The following NOS1AP variants were observed in gnomAD, a reference collection of about 807,000 sequenced individuals.
NOS1AP encodes the protein carboxyl-terminal PDZ ligand of neuronal nitric oxide synthase protein.
In NOS1AP, 21 loss-of-function variants were observed where a neutral mutation model predicts 56.2. The observed-to-expected ratio is 0.37, with a 90% CI of 0.26 to 0.54. The LOEUF (loss-of-function observed/expected upper bound fraction) is 0.54, where lower values mean the gene tolerates loss of function less well. NOS1AP is among the 20% of genes least tolerant of loss of function. NOS1AP has a pLI of 0.84. For missense variants in NOS1AP, 522 were observed against 657.8 expected (o/e 0.79, Z 2.26); for synonymous variants, 270 against 274.6 (o/e 0.98, Z 0.17).
intron 2 of NOS1AP, among the ~76,000 whole-genome samples, chr1:162,268,599 A>T (rs1484826329): frequency 6.6e-6 from 1 of 152,214 alleles, no homozygotes; most frequent in Non-Finnish European, 1.5e-5. Flanking sequence ...CCAACGCAGA[A>T]AAAGAGAGAG....
chr1:162,333,126 G>T lies in NOS1AP; in HGVS notation c.453+1G>T. On this transcript the variant is annotated splice_donor_variant, in intron 5 of 9. Transcript: ENST00000361897. LOFTEE classifies it high-confidence loss of function. ...TAACGTCTTTAAATCCAAGAAGAAG[G>T]TAAAGAGGCGGTTGCCGTCCATCTG... is the stretch of plus-strand genomic sequence containing the variant. 1 of 1,604,046 alleles carries T rather than the reference G, an allele frequency of 6.2e-7. No individual in the cohort carries two copies. Among genetic ancestry groups the T allele is most frequent in the Non-Finnish European group, 8.5e-7 (1 of 1,170,950 alleles).
chr1:162,180,906 A>G (rs540111203), intron 2 of NOS1AP, among the ~76,000 whole-genome samples: 1 of 152,200 alleles, frequency 6.6e-6, no homozygotes, highest in Non-Finnish European at 1.5e-5. Context: ...GTTTGTGGCC[A>G]TTATTATGCA....
chr1:162,168,461 T>G (rs982162518), intron 2 of NOS1AP, among the ~76,000 whole-genome samples: 9 of 152,208 alleles, frequency 5.9e-5, no homozygotes, highest in South Asian at 2.1e-4. Flanking sequence ...CCAGGCTTTG[T>G]GACATCAGCT....
chr1:162,308,084 A>T (rs1251398499), intron 4 of NOS1AP, among the ~76,000 whole-genome samples: 1 of 152,256 alleles, frequency 6.6e-6, no homozygotes, highest in Non-Finnish European at 1.5e-5. Flanking sequence ...AAACTATAAT[A>T]AAAGAGTACC....
intron 2 of NOS1AP, among the ~76,000 whole-genome samples, chr1:162,177,369 G>A (rs763032754): frequency 6.6e-6 from 1 of 152,180 alleles, no homozygotes; most frequent in Non-Finnish European, 1.5e-5. Context: ...GATTCGTCCT[G>A]TGTGACTCAG....
chr1:162,140,891 T>C (rs1649208455), intron 1 of NOS1AP, among the ~76,000 whole-genome samples: 1 of 152,240 alleles, frequency 6.6e-6, no homozygotes, highest in Admixed American at 6.5e-5. Flanking sequence ...ATTTCTCTAG[T>C]GATGATGAGC....
At chr1:162,249,853 G>C (rs2101690732) in intron 2 of NOS1AP, among the ~76,000 whole-genome samples, 1 of 152,336 alleles carries the variant, frequency 6.6e-6, no homozygotes, top group South Asian at 2.1e-4. Flanking sequence ...GTGGGCACGA[G>C]AGGGGGATTT....
At chr1:162,352,423 T>C (rs987157994) in intron 6 of NOS1AP, among the ~76,000 whole-genome samples, 23 of 152,054 alleles carry the variant, frequency 1.5e-4, no homozygotes, top group African/African-American at 5.3e-4. Flanking sequence ...CCCTGGTATT[T>C]TTTTTTTTTT....
At chr1:162,291,714 C>T (rs184204091) in intron 3 of NOS1AP, among the ~76,000 whole-genome samples, 21 of 152,202 alleles carry the variant, frequency 1.4e-4, no homozygotes, top group South Asian at 4.1e-4. Flanking sequence ...CTTGAACTGA[C>T]GCCAACAGAT....
intron 5 of NOS1AP, among the ~76,000 whole-genome samples, chr1:162,342,325 G>A (rs996635393): frequency 1.3e-5 from 2 of 152,176 alleles, no homozygotes; most frequent in Admixed American, 6.5e-5. Context: ...AAGAATATAG[G>A]GAGCAGTAGA....
At chr1:162,314,121 C>G (rs2819327) in intron 4 of NOS1AP, among the ~76,000 whole-genome samples, 137,875 of 152,228 alleles carry the variant, frequency 0.91, 63,814 homozygotes, top group Non-Finnish European at 1. Flanking sequence ...CTGATTTATC[C>G]TTTTGGTGGC....
At chr1:162,145,437 C>G (rs746295536) in intron 1 of NOS1AP, among the ~76,000 whole-genome samples, 8 of 152,154 alleles carry the variant, frequency 5.3e-5, no homozygotes, top group Non-Finnish European at 7.3e-5. Context: ...CAACTTTTCT[C>G]TTTTTCCTCC....
At chr1:162,295,833 T>G (rs796792269) in intron 3 of NOS1AP, among the ~76,000 whole-genome samples, 18 of 152,298 alleles carry the variant, frequency 1.2e-4, no homozygotes, top group African/African-American at 4.3e-4. Flanking sequence ...AGAATTTGTT[T>G]TTACTCTTGG....
At chr1:162,311,852 G>A (rs1177295903) in intron 4 of NOS1AP, among the ~76,000 whole-genome samples, 24 of 141,052 alleles carry the variant, frequency 1.7e-4, no homozygotes, top group Admixed American at 1.3e-3. Context: ...TTGTTCTTGC[G>A]ATAGTTTACT....
chr1:162,334,374 C>T lies in NOS1AP; in HGVS notation c.453+1249C>T, dbSNP rs569093170. 5.3e-5 allele frequency among the ~76,000 whole-genome samples: 8 copies of T among 152,162 alleles called. No individual in the cohort carries two copies. In the South Asian group the frequency reaches 1.7e-3, roughly 31 times the overall value. On this transcript the variant is annotated intron_variant, in intron 5 of 9. Coordinates refer to ENST00000361897, the MANE Select transcript of NOS1AP (RefSeq NM_014697.3). The stretch of plus-strand genomic sequence containing the variant: ...AATAGTATAGCTGAGAGGGAAAAAA[C>T]ATAAATGAGGCTAAGTCAAGCTGCA...
At chr1:162,155,943 T>C (rs1022881696) in intron 2 of NOS1AP, among the ~76,000 whole-genome samples, 1 of 152,230 alleles carries the variant, frequency 6.6e-6, no homozygotes, top group Non-Finnish European at 1.5e-5. Context: ...GAAAAACATG[T>C]AGGTGATGCT....
chr1:162,255,254 A>AC (rs1557850988), intron 2 of NOS1AP, among the ~76,000 whole-genome samples: 1 of 151,624 alleles, frequency 6.6e-6, no homozygotes, highest in Non-Finnish European at 1.5e-5. Context: ...GTCACTTTCC[A>AC]CCCCCCTCAC....
Position 162,300,722 on chromosome 1 carries a change from A to G in NOS1AP, c.344+16A>G, listed in dbSNP as rs368762930. The G allele has an allele frequency of 1.2e-6, 2 of 1,612,534 alleles. No homozygotes were observed. Among genetic ancestry groups the G allele is most frequent in the African/African-American group, 2.7e-5 (2 of 74,860 alleles). On this transcript the variant is annotated intron_variant, in intron 4 of 9. Transcript: ENST00000361897. ...CCATCTACAGGTAAGAGCCCAGTCC[A>G]GCACCCAAGATATCACTGAGCCCCA...
chr1:162,244,770 T>G (rs1653605388), intron 2 of NOS1AP, among the ~76,000 whole-genome samples: 2 of 152,152 alleles, frequency 1.3e-5, no homozygotes, highest in South Asian at 4.1e-4. Flanking sequence ...TGTCCAGTTG[T>G]GACAAACAAA....
Sources: allele counts gnomAD v4.1 joint callset (sites outside exome capture counted in the v4.1 genomes callset), GRCh38; gene constraint gnomAD v4.1.1; transcripts MANE v1.5; gene names NCBI Gene and HGNC (gene_info 2026-07-23, HGNC 2026-07-21).